Variants in LUZP2 observed in about 807,000 individuals in gnomAD.
The protein encoded by LUZP2 is leucine zipper protein 2.
A neutral mutation model predicts 51.6 loss-of-function variants in LUZP2; 52 were observed. The ratio of observed to expected loss-of-function variants is 1.01; its 90% CI spans 0.81 to 1.27. The LOEUF (loss-of-function observed/expected upper bound fraction) is 1.27. LUZP2 is among the 50% of genes most tolerant of loss of function. LUZP2 has a pLI of 0.00. For missense variants in LUZP2, 436 were observed against 395.4 expected, an observed-to-expected ratio of 1.10 and a Z score of -0.87; for synonymous variants, 154 against 137.3, an observed-to-expected ratio of 1.12 and a Z score of -0.85.
Position 24,751,599 on chromosome 11 carries a change from A to G in LUZP2, c.334-11647A>G, listed in dbSNP as rs991255198. ...CATCTCCCTTAGATCCCCTAAGAGC[A>G]TTCTATGCTTTCAAAGTTTTCTATC... On this transcript the variant is annotated intron_variant, in intron 4 of 11. Transcript: ENST00000336930. The G allele has an allele frequency of 9.5e-5, 93 of 982,336 alleles. No homozygotes were observed. The South Asian group carries it at 1.2e-3, about 12-fold the overall frequency. The allele number at this position is 982,336 out of a possible 1,614,324, so 60.9% of individuals were successfully genotyped here.
chr11:25,053,552 T>A (rs1858588835), intron 10 of LUZP2, among the ~76,000 whole-genome samples: 1 of 151,806 alleles, frequency 6.6e-6, no homozygotes, highest in Non-Finnish European at 1.5e-5. Context: ...CTTTTTTTTT[T>A]TTTTTTTAAT....
intron 7 of LUZP2, among the ~76,000 whole-genome samples, chr11:24,974,559 T>G (rs1855833632): frequency 6.6e-6 from 1 of 152,132 alleles, no homozygotes; most frequent in Non-Finnish European, 1.5e-5. Flanking sequence ...ATAATCTTTC[T>G]ACCAATAAAA....
intron 1 of LUZP2, among the ~76,000 whole-genome samples, chr11:24,540,816 T>C (rs1028657759): frequency 6.6e-6 from 1 of 152,082 alleles, no homozygotes; most frequent in Non-Finnish European, 1.5e-5. Context: ...TTATGGATAA[T>C]GGATGCAGTT....
chr11:24,883,043 T>C (rs769748800), intron 5 of LUZP2, among the ~76,000 whole-genome samples: 1 of 151,838 alleles, frequency 6.6e-6, no homozygotes, highest in East Asian at 1.9e-4. Flanking sequence ...AGAGAAAATA[T>C]GTCTTCTAAG....
chr11:24,798,615 C>T (rs1285890557), intron 5 of LUZP2, among the ~76,000 whole-genome samples: 2 of 152,176 alleles, frequency 1.3e-5, no homozygotes, highest in East Asian at 3.8e-4. Context: ...GACATTTAGT[C>T]TAGAGATATC....
intron 7 of LUZP2, among the ~76,000 whole-genome samples, chr11:24,971,637 G>T (rs1474185722): frequency 2.0e-5 from 3 of 151,680 alleles, no homozygotes; most frequent in Non-Finnish European, 4.4e-5. Flanking sequence ...TAAAATAGAA[G>T]TTTTAAAAAA....
rs960294602 is a variant in LUZP2 at position 25,009,594 on chromosome 11, C to A, written c.765+26301C>A. Among the ~76,000 whole-genome samples, 3 of 151,992 alleles carry A rather than the reference C, an allele frequency of 2.0e-5. No homozygotes were observed. In the East Asian group the frequency reaches 5.8e-4, roughly 29 times the overall value. ...TATGTATAAGAAGGGATCACCATGTCATTATAACTCACTAGAGATTTGAGA... is the reference window on the plus strand; with the variant it reads ...TATGTATAAGAAGGGATCACCATGTAATTATAACTCACTAGAGATTTGAGA... On this transcript the variant is annotated intron_variant, in intron 9 of 11. Coordinates refer to ENST00000336930, the MANE Select transcript of LUZP2 (RefSeq NM_001009909.4).
intron 9 of LUZP2, among the ~76,000 whole-genome samples, chr11:24,999,308 A>G (rs1157660500): frequency 2.0e-5 from 3 of 151,900 alleles, no homozygotes; most frequent in Non-Finnish European, 2.9e-5. Context: ...AGATATTGCA[A>G]TGAGAGAAGG....
rs921472161 is a variant in LUZP2, at chr11:24,966,700, A to G, written c.523-9891A>G. 9.5e-5 allele frequency among the ~76,000 whole-genome samples: 14 copies of G among 147,962 alleles called. 1 individual carries two copies. Among genetic ancestry groups the G allele is most frequent in the African/African-American group, 2.9e-4 (12 of 40,890 alleles). On this transcript the variant is annotated intron_variant, in intron 7 of 11. Transcript: ENST00000336930. ...AATATATATTTTATATGCATATTAT[A>G]TTATATACACATATAATGTGTGTGC...
At chr11:25,063,809 T>C (rs1011268013) in intron 10 of LUZP2, among the ~76,000 whole-genome samples, 25 of 151,834 alleles carry the variant, frequency 1.6e-4, no homozygotes, top group African/African-American at 6.0e-4. Flanking sequence ...TCAGGAGCTT[T>C]ATTCCAGGTT....
intron 6 of LUZP2, among the ~76,000 whole-genome samples, chr11:24,913,779 G>A (rs907893467): frequency 7.3e-5 from 11 of 151,532 alleles, no homozygotes; most frequent in South Asian, 2.1e-4. Context: ...ATAATTTTAG[G>A]TACAGAAATA....
In LUZP2 at chr11:24,643,329, G is replaced by A. The variant is rs1043807969; in HGVS notation, c.63-85840G>A. Reference sequence around the variant, plus strand: ...CTGGGAGGTTGGGGGGTAGAGAAGAGATTAAGGAGTGGAAGAATTAAGAAG... The same window carrying A: ...CTGGGAGGTTGGGGGGTAGAGAAGAAATTAAGGAGTGGAAGAATTAAGAAG... On this transcript the variant is annotated intron_variant, in intron 1 of 11. Coordinates refer to ENST00000336930, the MANE Select transcript of LUZP2 (RefSeq NM_001009909.4). Among the ~76,000 whole-genome samples the A allele has an allele frequency of 2.2e-4, 33 of 151,240 alleles. 1 individual carries two copies. The highest frequency in any genetic ancestry group is 1.9e-3 in the Admixed American group (29 of 15,132).
chr11:24,543,067 A>T (rs1041372590), intron 1 of LUZP2, among the ~76,000 whole-genome samples: 13 of 152,024 alleles, frequency 8.6e-5, no homozygotes, highest in African/African-American at 3.1e-4. Context: ...CTTTGGGGAA[A>T]ATACTATATT....
chr11:24,788,478 G>A (rs1590528807), intron 5 of LUZP2, among the ~76,000 whole-genome samples: 1 of 152,050 alleles, frequency 6.6e-6, no homozygotes, highest in East Asian at 1.9e-4. Flanking sequence ...GTAAGCCACT[G>A]TGCCCAGCCC....
chr11:24,874,847 T>C (rs956791886), intron 5 of LUZP2, among the ~76,000 whole-genome samples: 6 of 152,162 alleles, frequency 3.9e-5, no homozygotes, highest in South Asian at 2.1e-4. Flanking sequence ...AGTTCCTCAA[T>C]TGGGATGAGA....
At chr11:24,719,815 T>G (rs903219408) in intron 1 of LUZP2, among the ~76,000 whole-genome samples, 4 of 152,208 alleles carry the variant, frequency 2.6e-5, no homozygotes, top group Non-Finnish European at 5.9e-5. Flanking sequence ...CTGCTAATTC[T>G]CTTAGATCCC....
intron 1 of LUZP2, among the ~76,000 whole-genome samples, chr11:24,695,428 A>G (rs1380906980): frequency 1.3e-5 from 2 of 152,048 alleles, no homozygotes; most frequent in South Asian, 2.1e-4. Context: ...GGTACTCAGC[A>G]TATCATTTAC....
intron 1 of LUZP2, among the ~76,000 whole-genome samples, chr11:24,602,131 TG>T (rs1359852044): frequency 8.4e-6 from 1 of 119,560 alleles, no homozygotes; most frequent in Non-Finnish European, 1.7e-5. Flanking sequence ...TATATGTATA[TG>T]TGTATATATG....
At chr11:25,039,887 G>A (rs945487210) in intron 9 of LUZP2, among the ~76,000 whole-genome samples, 34 of 152,198 alleles carry the variant, frequency 2.2e-4, no homozygotes, top group African/African-American at 7.9e-4. Context: ...AACTCTGTAG[G>A]TCATCTTTTT....
Sources: gnomAD v4.1 joint callset for allele counts (sites outside exome capture counted in the v4.1 genomes callset) on GRCh38, gnomAD v4.1.1 for gene constraint, MANE v1.5 for transcripts, NCBI Gene and HGNC (gene_info 2026-07-23, HGNC 2026-07-21) for gene names.